The following SCHIP1 variants were observed in gnomAD, a reference collection of about 807,000 sequenced individuals.
SCHIP1 encodes schwannomin-interacting protein 1.
SCHIP1 carries 8 observed loss-of-function variants against 29.7 expected under a neutral mutation model. That is an observed-to-expected ratio of 0.27 (90% CI 0.16 to 0.49). The LOEUF (loss-of-function observed/expected upper bound fraction) is 0.49, where lower values mean the gene tolerates loss of function less well. Ranked by LOEUF, SCHIP1 falls within the 20% of genes least tolerant of loss-of-function variation. The probability of loss-of-function intolerance (pLI) is 0.99; values close to 1 mark genes in which losing one functional copy is unlikely to be tolerated. For missense variants in SCHIP1, 193 were observed against 294.6 expected (o/e 0.66, Z 2.52); for synonymous variants, 76 against 94.9 (o/e 0.80, Z 1.16).
chr3:159,424,169 A>G, the SCHIP1 span, among the ~76,000 whole-genome samples: 3 of 152,086 alleles, frequency 2.0e-5, no homozygotes, highest in Non-Finnish European at 4.4e-5. Context: ...GTTCCTCACC[A>G]GCAATGGAAC....
chr3:159,819,456 T>C, the SCHIP1 span, among the ~76,000 whole-genome samples: 3 of 151,678 alleles, frequency 2.0e-5, no homozygotes, highest in Non-Finnish European at 4.4e-5. Flanking sequence ...CCACCTACCT[T>C]CCCCAACCCA....
chr3:159,786,726 G>T, the SCHIP1 span, among the ~76,000 whole-genome samples: 1 of 151,862 alleles, frequency 6.6e-6, no homozygotes, highest in East Asian at 1.9e-4. Flanking sequence ...GTGTGTGTGT[G>T]TGTGTTTTGT....
chr3:159,784,070 T>C, the SCHIP1 span, among the ~76,000 whole-genome samples: 5 of 152,112 alleles, frequency 3.3e-5, no homozygotes, highest in South Asian at 2.1e-4. Context: ...TATGTGATGA[T>C]TGGATTGGGG....
the SCHIP1 span, among the ~76,000 whole-genome samples, chr3:159,479,114 A>G: frequency 1.7e-4 from 26 of 152,200 alleles, no homozygotes; most frequent in Non-Finnish European, 3.4e-4. Flanking sequence ...GGAAATTCAC[A>G]TAATATTAAG....
the SCHIP1 span, among the ~76,000 whole-genome samples, chr3:159,635,955 G>A: frequency 6.6e-6 from 1 of 152,122 alleles, no homozygotes; most frequent in Non-Finnish European, 1.5e-5. Flanking sequence ...GGCAGGTGTG[G>A]AATGCAATGG....
At chr3:159,617,056 T>C in the SCHIP1 span, among the ~76,000 whole-genome samples, 1 of 152,216 alleles carries the variant, frequency 6.6e-6, no homozygotes, top group African/African-American at 2.4e-5. Context: ...CATGCTGAGT[T>C]AGAGCATTGA....
chr3:159,865,629 G>A (rs1049303150), intron 1 of SCHIP1, among the ~76,000 whole-genome samples: 6 of 152,212 alleles, frequency 3.9e-5, no homozygotes, highest in African/African-American at 1.4e-4. Flanking sequence ...ATGGAGGCAG[G>A]TGCTATGTCT....
the SCHIP1 span, among the ~76,000 whole-genome samples, chr3:159,381,322 C>A: frequency 6.6e-6 from 1 of 152,132 alleles, no homozygotes; most frequent in East Asian, 1.9e-4. Context: ...ACAATATCAA[C>A]TTTTCAGTAA....
the SCHIP1 span, among the ~76,000 whole-genome samples, chr3:159,707,100 G>A: frequency 6.6e-6 from 1 of 152,158 alleles, no homozygotes; most frequent in East Asian, 1.9e-4. Flanking sequence ...TTACAAAGGA[G>A]GAATGCACAG....
chr3:159,569,637 A>T, the SCHIP1 span, among the ~76,000 whole-genome samples: 1 of 152,168 alleles, frequency 6.6e-6, no homozygotes, highest in African/African-American at 2.4e-5. Flanking sequence ...ATACAGGTGC[A>T]TGTGTCTTTA....
chr3:159,283,255 T>C, the SCHIP1 span, among the ~76,000 whole-genome samples: 15 of 152,100 alleles, frequency 9.9e-5, 1 homozygote, highest in Admixed American at 9.8e-4. Context: ...TGGGTTCAAG[T>C]GATTCTCCTG....
At chr3:159,395,927 T>G in the SCHIP1 span, among the ~76,000 whole-genome samples, 101 of 152,228 alleles carry the variant, frequency 6.6e-4, 1 homozygote, top group Middle Eastern at 0.021. Context: ...GGGTGTTAAA[T>G]TCTCCCATTA....
the SCHIP1 span, among the ~76,000 whole-genome samples, chr3:159,392,533 C>T: frequency 6.6e-6 from 1 of 150,574 alleles, no homozygotes. Context: ...TGTTCAGTTC[C>T]CACCTATGAG....
At chr3:159,547,429 T>C in the SCHIP1 span, among the ~76,000 whole-genome samples, 26,350 of 152,178 alleles carry the variant, frequency 0.17, 2,536 homozygotes, top group South Asian at 0.35. Flanking sequence ...TTAGATCCCA[T>C]TTGTCTATTT....
At chr3:159,564,566 G>T in the SCHIP1 span, among the ~76,000 whole-genome samples, 1 of 152,062 alleles carries the variant, frequency 6.6e-6, no homozygotes, top group Non-Finnish European at 1.5e-5. Flanking sequence ...AGTAGAGACA[G>T]GGTTTCTCCA....
the SCHIP1 span, among the ~76,000 whole-genome samples, chr3:159,747,289 C>T: frequency 6.6e-6 from 1 of 152,174 alleles, no homozygotes; most frequent in Admixed American, 6.5e-5. Flanking sequence ...CTCCTTAACC[C>T]ACCTGATGCA....
the SCHIP1 span, among the ~76,000 whole-genome samples, chr3:159,697,337 T>C: frequency 2.0e-5 from 3 of 152,194 alleles, no homozygotes; most frequent in African/African-American, 7.2e-5. Flanking sequence ...TGGGAATTTT[T>C]GGATGGAGAG....
the SCHIP1 span, among the ~76,000 whole-genome samples, chr3:159,370,704 C>G: frequency 2.0e-5 from 3 of 152,188 alleles, no homozygotes; most frequent in Non-Finnish European, 4.4e-5. Flanking sequence ...GATGAATCCT[C>G]TCTCTCTTCT....
At chr3:159,727,420 T>C in the SCHIP1 span, among the ~76,000 whole-genome samples, 1 of 152,234 alleles carries the variant, frequency 6.6e-6, no homozygotes, top group Non-Finnish European at 1.5e-5. Flanking sequence ...CCTGGAGTTC[T>C]GAAGAGCCCA....
Sources: allele counts gnomAD v4.1 joint callset (sites outside exome capture counted in the v4.1 genomes callset), GRCh38; gene constraint gnomAD v4.1.1; transcripts MANE v1.5; gene names NCBI Gene and HGNC (gene_info 2026-07-23, HGNC 2026-07-21).